PHKB: variants seen among roughly 807,000 people sequenced by gnomAD.
PHKB encodes the protein phosphorylase kinase regulatory subunit beta, also known as phosphorylase b kinase regulatory subunit beta.
Under a neutral mutation model 152.1 loss-of-function variants are expected in PHKB, and 122 were observed. The ratio of observed to expected loss-of-function variants is 0.80; its 90% CI spans 0.69 to 0.93. The LOEUF (loss-of-function observed/expected upper bound fraction) is 0.93. PHKB is among the 40% of genes least tolerant of loss of function. The pLI, the probability that PHKB is intolerant of heterozygous loss-of-function variation, is 0.00. For synonymous variants in PHKB, 436 were observed against 464.9 expected, an observed-to-expected ratio of 0.94 and a Z score of 0.80; for missense variants, 1,304 against 1,328.4, an observed-to-expected ratio of 0.98 and a Z score of 0.29.
intron 1 of PHKB, among the ~76,000 whole-genome samples, chr16:47,464,431 G>A (rs1056317954): frequency 3.9e-5 from 6 of 152,188 alleles, no homozygotes; most frequent in Non-Finnish European, 8.8e-5. Context: ...CAGACAGGAA[G>A]CGACTTGCCC....
At chr16:47,658,588 T>G (rs1488698577) in intron 20 of PHKB, among the ~76,000 whole-genome samples, 2 of 152,194 alleles carry the variant, frequency 1.3e-5, no homozygotes, top group East Asian at 3.8e-4. Flanking sequence ...ACTGTACCTT[T>G]TCTATCTTTA....
chr16:47,520,505 T>C (rs1886598749), intron 6 of PHKB, among the ~76,000 whole-genome samples: 1 of 152,206 alleles, frequency 6.6e-6, no homozygotes, highest in South Asian at 2.1e-4. Flanking sequence ...CAAGAGTTCA[T>C]TTTCTATGCT....
chr16:47,582,427 ATTACT>A (rs1343661243), intron 8 of PHKB, among the ~76,000 whole-genome samples: 1 of 152,146 alleles, frequency 6.6e-6, no homozygotes, highest in African/African-American at 2.4e-5. Context: ...AAATCGCTAA[ATTACT>A]TTACTCTGCA....
At chr16:47,478,856 T>C (rs939060467) in intron 1 of PHKB, among the ~76,000 whole-genome samples, 2 of 152,164 alleles carry the variant, frequency 1.3e-5, no homozygotes, top group Non-Finnish European at 2.9e-5. Context: ...AAGCATGGTG[T>C]TCTGGGCACA....
chr16:47,696,034 A>G (rs1010447210), intron 28 of PHKB, among the ~76,000 whole-genome samples: 3 of 152,246 alleles, frequency 2.0e-5, no homozygotes, highest in Non-Finnish European at 4.4e-5. Context: ...CCTGACAGCA[A>G]GCATAACTTC....
At chr16:47,477,976 A>G (rs1369627029) in intron 1 of PHKB, among the ~76,000 whole-genome samples, 1 of 152,160 alleles carries the variant, frequency 6.6e-6, no homozygotes, top group African/African-American at 2.4e-5. Context: ...GGAATATGGT[A>G]AAGAAAGAGA....
chr16:47,478,010 T>C (rs1040831916), intron 1 of PHKB, among the ~76,000 whole-genome samples: 2 of 152,134 alleles, frequency 1.3e-5, no homozygotes, highest in African/African-American at 4.8e-5. Context: ...TTAAATAAAA[T>C]AGAGAAAAGC....
intron 16 of PHKB, among the ~76,000 whole-genome samples, chr16:47,643,125 G>T (rs1190209774): frequency 1.3e-5 from 2 of 152,284 alleles, no homozygotes; most frequent in Admixed American, 6.5e-5. Context: ...TATTTTAATA[G>T]TAGGTGAGTT....
intron 7 of PHKB, among the ~76,000 whole-genome samples, chr16:47,574,928 T>C (rs187415870): frequency 8.5e-5 from 13 of 152,368 alleles, no homozygotes; most frequent in Admixed American, 4.6e-4. Context: ...TTTCCTTTTC[T>C]TGCCCTATTT....
chr16:47,537,970 C>T (rs1970982798), intron 6 of PHKB, among the ~76,000 whole-genome samples: 1 of 152,096 alleles, frequency 6.6e-6, no homozygotes, highest in Non-Finnish European at 1.5e-5. Context: ...TCACAGCTCA[C>T]TGTCCTCAGC....
chr16:47,608,271 T>C (rs1428208436), intron 13 of PHKB, among the ~76,000 whole-genome samples: 1 of 152,206 alleles, frequency 6.6e-6, no homozygotes, highest in African/African-American at 2.4e-5. Flanking sequence ...CACAAAGACT[T>C]ACTTCTATAT....
chr16:47,613,188 A>G (rs1972458369), intron 14 of PHKB, among the ~76,000 whole-genome samples: 1 of 152,218 alleles, frequency 6.6e-6, no homozygotes, highest in Non-Finnish European at 1.5e-5. Context: ...AGAAGCTGTT[A>G]CACTTAGACT....
intron 1 of PHKB, among the ~76,000 whole-genome samples, chr16:47,495,998 A>C (rs1369394859): frequency 2.0e-5 from 3 of 152,108 alleles, no homozygotes; most frequent in East Asian, 1.9e-4. Context: ...CGTTCTTCTT[A>C]TTGTTACTAT....
intron 7 of PHKB, among the ~76,000 whole-genome samples, chr16:47,571,083 G>T (rs1022108829): frequency 6.6e-6 from 1 of 152,112 alleles, no homozygotes; most frequent in Non-Finnish European, 1.5e-5. Context: ...ATCTGTGTGT[G>T]ATGGCTTTCT....
chr16:47,631,664 T>C (rs746843224), intron 14 of PHKB, among the ~76,000 whole-genome samples: 19 of 152,146 alleles, frequency 1.2e-4, no homozygotes, highest in Non-Finnish European at 2.6e-4. Flanking sequence ...GTGTGTGATG[T>C]TCCCCTCTCT....
chr16:47,547,711 A>G, intron 7 of PHKB, 163 bp downstream of exon 7: 1 of 598,462 alleles, frequency 1.7e-6, no homozygotes, highest in Non-Finnish European at 3.0e-6. Flanking sequence ...TTAACACAAA[A>G]GAGCCCATCC....
At chr16:47,504,621 G>T (rs1007417185) in intron 4 of PHKB, among the ~76,000 whole-genome samples, 6 of 152,204 alleles carry the variant, frequency 3.9e-5, no homozygotes, top group Admixed American at 2.0e-4. Context: ...TTTCCAGTCT[G>T]CTTCCAACTG....
intron 1 of PHKB, among the ~76,000 whole-genome samples, chr16:47,470,116 A>G (rs1355155542): frequency 6.6e-6 from 1 of 152,200 alleles, no homozygotes; most frequent in Non-Finnish European, 1.5e-5. Flanking sequence ...GCGCTAGAGG[A>G]ATTAAAGACA....
intron 28 of PHKB, among the ~76,000 whole-genome samples, chr16:47,694,245 T>G (rs1182287756): frequency 6.6e-6 from 1 of 152,238 alleles, no homozygotes; most frequent in African/African-American, 2.4e-5. Flanking sequence ...TGTGATTATT[T>G]AATCCTGGCA....
Sources: gnomAD v4.1 joint callset for allele counts (sites outside exome capture counted in the v4.1 genomes callset) on GRCh38, gnomAD v4.1.1 for gene constraint, MANE v1.5 for transcripts, NCBI Gene and HGNC (gene_info 2026-07-23, HGNC 2026-07-21) for gene names.